Variants in POU6F2 observed in about 807,000 individuals in gnomAD.
POU6F2 encodes the protein POU class 6 homeobox 2, also known as POU domain, class 6, transcription factor 2.
A neutral mutation model predicts 71.3 loss-of-function variants in POU6F2; 31 were observed. The observed-to-expected ratio is 0.43, with a 90% CI of 0.33 to 0.59. The LOEUF (loss-of-function observed/expected upper bound fraction) is 0.59, where lower values mean the gene tolerates loss of function less well. Ranked by LOEUF, POU6F2 falls within the 20% of genes least tolerant of loss-of-function variation. The pLI is 0.04. For missense variants in POU6F2, 783 were observed against 856.8 expected (o/e 0.91, Z 1.07); for synonymous variants, 347 against 355.7 (o/e 0.98, Z 0.27).
At chr7:39,297,185 A>ACACAT (rs55795123) in intron 4 of POU6F2, among the ~76,000 whole-genome samples, 2,585 of 112,022 alleles carry the variant, frequency 0.023, 35 homozygotes, top group African/African-American at 0.052. Context: ...GTTTACAAAC[A>ACACAT]CACATACACA....
chr7:39,167,230 A>G (rs1484397452), intron 2 of POU6F2, among the ~76,000 whole-genome samples: 2 of 152,150 alleles, frequency 1.3e-5, no homozygotes, highest in Non-Finnish European at 2.9e-5. Context: ...TGGCTAAAAA[A>G]CATACTTGTC....
At chr7:39,280,259 C>G (rs1784537830) in intron 4 of POU6F2, among the ~76,000 whole-genome samples, 1 of 152,188 alleles carries the variant, frequency 6.6e-6, no homozygotes, top group Admixed American at 6.5e-5. Context: ...TAAGCCCATG[C>G]TCCCCCAAGG....
intron 2 of POU6F2, among the ~76,000 whole-genome samples, chr7:39,176,543 T>C (rs2128740316): frequency 6.6e-6 from 1 of 152,274 alleles, no homozygotes; most frequent in South Asian, 2.1e-4. Context: ...GAGAAGCGTG[T>C]CTTTTCCAGA....
intron 5 of POU6F2, among the ~76,000 whole-genome samples, chr7:39,392,305 C>T (rs1787088815): frequency 6.6e-6 from 1 of 152,200 alleles, no homozygotes; most frequent in African/African-American, 2.4e-5. Context: ...GCTGCTCCAG[C>T]CCCCAGAGTT....
chr7:39,218,349 TG>T (rs543250548), intron 4 of POU6F2, among the ~76,000 whole-genome samples: 150 of 151,724 alleles, frequency 9.9e-4, no homozygotes, highest in African/African-American at 3.4e-3. Context: ...GGACAGAGAG[TG>T]GGGGGGTTAT....
At chr7:39,006,927 G>GT (rs1789090454) in intron 1 of POU6F2, 1 of 1,516,736 alleles carries the variant, frequency 6.6e-7, no homozygotes, top group East Asian at 2.3e-5. Context: ...TTTATAATCT[G>GT]TGAGTTTATT....
At chr7:39,430,181 G>A (rs1212739235) in intron 6 of POU6F2, among the ~76,000 whole-genome samples, 1 of 152,234 alleles carries the variant, frequency 6.6e-6, no homozygotes, top group African/African-American at 2.4e-5. Context: ...ATACATTCGG[G>A]AATATGACGA....
intron 3 of POU6F2, among the ~76,000 whole-genome samples, chr7:39,205,325 G>A (rs1450112796): frequency 6.6e-6 from 1 of 152,058 alleles, no homozygotes; most frequent in Non-Finnish European, 1.5e-5. Context: ...GTGTGTCTGT[G>A]TGTGTGTATG....
intron 4 of POU6F2, among the ~76,000 whole-genome samples, chr7:39,314,764 A>G (rs1476979082): frequency 1.3e-5 from 2 of 152,212 alleles, no homozygotes; most frequent in Non-Finnish European, 2.9e-5. Flanking sequence ...AACTCTAGCA[A>G]AGGCATTAAA....
At chr7:39,369,759 C>T (rs1583555720) in intron 5 of POU6F2, among the ~76,000 whole-genome samples, 1 of 152,068 alleles carries the variant, frequency 6.6e-6, no homozygotes, top group African/African-American at 2.4e-5. Context: ...TCATAGTTCA[C>T]TACAGCCTCG....
At chr7:39,131,337 A>G (rs1261776283) in intron 2 of POU6F2, among the ~76,000 whole-genome samples, 2 of 152,192 alleles carry the variant, frequency 1.3e-5, no homozygotes, top group East Asian at 3.8e-4. Context: ...TTACCATTGC[A>G]TAATCATATT....
chr7:39,369,848 AT>A (rs534189300), intron 5 of POU6F2, among the ~76,000 whole-genome samples: 1,850 of 135,326 alleles, frequency 0.014, 9 homozygotes, highest in Middle Eastern at 0.035. Flanking sequence ...CACTCGCAGC[AT>A]TTTTTTTTTT....
chr7:39,171,739 A>T (rs1229393471), intron 2 of POU6F2, among the ~76,000 whole-genome samples: 2 of 152,234 alleles, frequency 1.3e-5, no homozygotes, highest in African/African-American at 4.8e-5. Context: ...GGGATGCTAC[A>T]GTGTCCTTTG....
At chr7:39,132,856 A>G (rs575390180) in intron 2 of POU6F2, among the ~76,000 whole-genome samples, 1 of 152,316 alleles carries the variant, frequency 6.6e-6, no homozygotes, top group South Asian at 2.1e-4. Context: ...ACTCTGGAAC[A>G]CATTTTCAGG....
At chr7:39,133,087 A>G (rs1792322837) in intron 2 of POU6F2, among the ~76,000 whole-genome samples, 2 of 152,232 alleles carry the variant, frequency 1.3e-5, no homozygotes, top group African/African-American at 4.8e-5. Flanking sequence ...AGTACTGCCT[A>G]CAAGCAAGGA....
rs541385500 is a variant in POU6F2 at position 39,091,743 on chromosome 7, C to G, written c.277+5712C>G. The stretch of plus-strand genomic sequence containing the variant: ...GAAGATTGCTTTCGCTCTTAATTAC[C>G]TGCTTTAATTATACAGCTAGCATTC... On this transcript the variant is annotated intron_variant, in intron 2 of 9. Coordinates refer to ENST00000518318, the MANE Select transcript of POU6F2 (RefSeq NM_001370959.1). 2.0e-5 allele frequency among the ~76,000 whole-genome samples: 3 copies of G among 152,292 alleles called. No individual in the cohort carries two copies. The East Asian group carries it at 5.8e-4, about 29-fold the overall frequency.
At chr7:39,323,356 G>C (rs1352068746) in intron 4 of POU6F2, among the ~76,000 whole-genome samples, 2 of 152,174 alleles carry the variant, frequency 1.3e-5, no homozygotes, top group Non-Finnish European at 2.9e-5. Flanking sequence ...GTTGTGTTTT[G>C]TTTTGTCTTT....
chr7:39,097,142 C>A (rs1791471480), intron 2 of POU6F2, among the ~76,000 whole-genome samples: 4 of 151,958 alleles, frequency 2.6e-5, no homozygotes, highest in Admixed American at 2.6e-4. Context: ...TTATGCCATT[C>A]TTAGTATATA....
At chr7:39,279,772 A>C (rs1208262901) in intron 4 of POU6F2, among the ~76,000 whole-genome samples, 2 of 151,828 alleles carry the variant, frequency 1.3e-5, no homozygotes, top group African/African-American at 4.8e-5. Flanking sequence ...TTTGAGATAG[A>C]GTTTCACTCT....
Sources: gnomAD v4.1 joint callset for allele counts (sites outside exome capture counted in the v4.1 genomes callset) on GRCh38, gnomAD v4.1.1 for gene constraint, MANE v1.5 for transcripts, NCBI Gene and HGNC (gene_info 2026-07-23, HGNC 2026-07-21) for gene names.